The following KMO variants were observed in gnomAD, a reference collection of about 807,000 sequenced individuals.
The protein encoded by KMO is kynurenine 3-monooxygenase, also known as kynurenine 3-hydroxylase.
In KMO, 24 loss-of-function variants were observed where a neutral mutation model predicts 57.8. The ratio of observed to expected loss-of-function variants is 0.42; its 90% CI spans 0.30 to 0.58. The LOEUF is 0.58. KMO is among the 20% of genes least tolerant of loss of function. KMO has a pLI of 0.22. For missense variants in KMO, 483 were observed against 588.2 expected (o/e 0.82, Z 1.85); for synonymous variants, 210 against 193.6 (o/e 1.08, Z -0.70).
chr1:241,588,737 T>C lies in KMO; in HGVS notation c.1016-11T>C, dbSNP rs1205722859. On this transcript the variant is annotated splice_polypyrimidine_tract_variant and intron_variant, in intron 11 of 14. Coordinates refer to ENST00000366559, the MANE Select transcript of KMO (RefSeq NM_003679.5). ...AGAAGGTTTTGGAAAGATGTATTAT[T>C]TAACTTACAGGTTTGTGTCTTCCTG... is the stretch of plus-strand genomic sequence containing the variant. 8 of 1,602,632 alleles carry C rather than the reference T, an allele frequency of 5.0e-6. No homozygotes were observed. Among genetic ancestry groups the C allele is most frequent in the Non-Finnish European group, 6.0e-6 (7 of 1,169,954 alleles).
At chr1:241,575,041 C>A (rs1662453291) in intron 10 of KMO, among the ~76,000 whole-genome samples, 1 of 151,792 alleles carries the variant, frequency 6.6e-6, no homozygotes, top group Admixed American at 6.6e-5. Flanking sequence ...CTAGGTTTTC[C>A]AGTATGTATG....
At chr1:241,576,735 C>A (rs913717136) in intron 10 of KMO, among the ~76,000 whole-genome samples, 3 of 152,014 alleles carry the variant, frequency 2.0e-5, no homozygotes, top group African/African-American at 7.2e-5. Flanking sequence ...TGGTGATGTT[C>A]TTTTTGTAAT....
intron 1 of KMO, among the ~76,000 whole-genome samples, chr1:241,546,337 G>A (rs142396848): frequency 2.6e-5 from 4 of 152,158 alleles, no homozygotes; most frequent in African/African-American, 4.8e-5. Context: ...GTAGATGCCT[G>A]TAGGCATGGC....
At chr1:241,536,443 C>T (rs1336240879) in intron 1 of KMO, 3 of 912,706 alleles carry the variant, frequency 3.3e-6, no homozygotes, top group Admixed American at 6.2e-5. Flanking sequence ...GAAAATACTG[C>T]TTTTGATAAC....
chr1:241,536,462 G>C (rs1047144455), intron 1 of KMO: 1 of 974,242 alleles, frequency 1.0e-6, no homozygotes, highest in African/African-American at 1.8e-5. Flanking sequence ...ACTGTTTTCA[G>C]TGTTTACAGG....
At position 241,568,481 on chromosome 1, in the gene KMO, G is replaced by A. The variant is rs1480469263; in HGVS notation, c.810-19G>A. The stretch of plus-strand genomic sequence containing the variant: ...TACCTAATTTGATGTCTTTATATTC[G>A]GATTATTTTCCTTTGAAGGAAACTC... On this transcript the variant is annotated intron_variant, in intron 9 of 14. Transcript: ENST00000366559. 5.6e-6 allele frequency: 9 copies of A among 1,610,778 alleles called. No homozygotes were observed. Among genetic ancestry groups the A allele is most frequent in the Non-Finnish European group, 6.8e-6 (8 of 1,177,594 alleles).
At chr1:241,540,698 A>AT in intron 1 of KMO, among the ~76,000 whole-genome samples, 1 of 152,142 alleles carries the variant, frequency 6.6e-6, no homozygotes, top group Non-Finnish European at 1.5e-5. Flanking sequence ...AAAATTTGGA[A>AT]TTTTTTCCTG....
chr1:241,551,964 CG>C (rs1255458247), intron 4 of KMO, among the ~76,000 whole-genome samples: 1 of 151,982 alleles, frequency 6.6e-6, no homozygotes, highest in Non-Finnish European at 1.5e-5. Context: ...GTGAAATCAA[CG>C]TAATCGTCTC....
chr1:241,532,557 G>T lies in KMO; in HGVS notation c.54+59G>T, dbSNP rs370017368. The T allele has an allele frequency of 1.1e-5, 14 of 1,245,128 alleles. No homozygotes were observed. The East Asian group carries it at 1.5e-4, about 14-fold the overall frequency. 77.1% of individuals were successfully genotyped at this position (1,245,128 alleles called of 1,614,324 possible). A position where few individuals can be genotyped will look rare whatever the true frequency, so the allele number is the denominator to read the frequency against. Reference sequence around the variant, plus strand: ...GGTATTATATTAACTATTATTACTCGTAATGATTATTATTCGTCACTTCTG... The same window carrying T: ...GGTATTATATTAACTATTATTACTCTTAATGATTATTATTCGTCACTTCTG... On this transcript the variant is annotated intron_variant, in intron 1 of 14. Transcript: ENST00000366559.
intron 14 of KMO, among the ~76,000 whole-genome samples, chr1:241,590,771 A>G (rs1663263548): frequency 6.6e-6 from 1 of 152,142 alleles, no homozygotes. Context: ...CATAGATAGC[A>G]CTGAGCTGGC....
Position 241,593,264 on chromosome 1 carries a change from T to C in KMO, c.*1111T>C, listed in dbSNP as rs1663383146. On this transcript the variant is annotated 3_prime_UTR_variant, in exon 15 of 15. Transcript: ENST00000366559. Reference sequence around the variant, plus strand: ...CAGACCCTCAGAAGCAATTTACTAATTTATTCTTCGACTACATACTGCAGC... The same window carrying C: ...CAGACCCTCAGAAGCAATTTACTAACTTATTCTTCGACTACATACTGCAGC... The C allele has an allele frequency of 3.1e-6, 1 of 318,762 alleles. No individual in the cohort carries two copies. The highest frequency in any genetic ancestry group is 2.1e-5 in the African/African-American group (1 of 47,186). 19.7% of individuals were successfully genotyped at this position (318,762 alleles called of 1,614,324 possible). A position where few individuals can be genotyped will look rare whatever the true frequency, so the allele number is the denominator to read the frequency against.
In KMO at chr1:241,594,948, C is replaced by A. The variant is rs982452231; in HGVS notation, c.*2795C>A. 1.2e-5 allele frequency: 5 copies of A among 405,890 alleles called. No homozygotes were observed. The highest frequency in any genetic ancestry group is 4.1e-5 in the Admixed American group (1 of 24,218). The allele number at this position is 405,890 out of a possible 1,614,324, so 25.1% of individuals were successfully genotyped here. ...GTAATCCTCCAAGCTTCAATCTGCA[C>A]ACACTTTCTATGAGGGCAGGTACAA... On this transcript the variant is annotated 3_prime_UTR_variant, in exon 15 of 15. Transcript: ENST00000366559.
intron 1 of KMO, among the ~76,000 whole-genome samples, chr1:241,545,968 A>G (rs1042173664): frequency 6.6e-6 from 1 of 152,122 alleles, no homozygotes; most frequent in Admixed American, 6.6e-5. Context: ...ACATGATCAG[A>G]TTTGTATATT....
intron 10 of KMO, among the ~76,000 whole-genome samples, chr1:241,585,433 T>C (rs1328327607): frequency 1.3e-5 from 2 of 151,950 alleles, no homozygotes; most frequent in East Asian, 3.9e-4. Flanking sequence ...GATGTAATCT[T>C]TATAATTGAT....
intron 1 of KMO, among the ~76,000 whole-genome samples, chr1:241,540,053 T>C (rs1484253080): frequency 6.6e-6 from 1 of 152,208 alleles, no homozygotes; most frequent in African/African-American, 2.4e-5. Context: ...ACACTTTTCA[T>C]TTTTTGAAAG....
chr1:241,564,705 A>G (rs1051053935), intron 7 of KMO, among the ~76,000 whole-genome samples: 1 of 70,762 alleles, frequency 1.4e-5, no homozygotes, highest in Non-Finnish European at 3.5e-5. Flanking sequence ...TTGAGAACAT[A>G]AGATGTTCTC....
chr1:241,557,313 C>T (rs1172289431), intron 5 of KMO, among the ~76,000 whole-genome samples: 5 of 152,192 alleles, frequency 3.3e-5, no homozygotes, highest in East Asian at 3.9e-4. Flanking sequence ...TTGCATTCAA[C>T]GGATTTATTC....
intron 10 of KMO, among the ~76,000 whole-genome samples, chr1:241,578,507 T>C (rs1662617561): frequency 6.6e-6 from 1 of 152,106 alleles, no homozygotes. Context: ...CTGCCACACT[T>C]GAGGCCACTG....
At position 241,566,627 on chromosome 1, in the gene KMO, G is replaced by A. The variant is rs1459466589; in HGVS notation, c.809+15G>A. ...CTAATTGGAGAGTAAGTTGCAAGATGTGCCTTTTGCTCCATTTGTTTTAAT... is the reference window on the plus strand; with the variant it reads ...CTAATTGGAGAGTAAGTTGCAAGATATGCCTTTTGCTCCATTTGTTTTAAT... On this transcript the variant is annotated intron_variant, in intron 9 of 14. Coordinates refer to ENST00000366559, the MANE Select transcript of KMO (RefSeq NM_003679.5). 4 of 1,613,070 alleles carry A rather than the reference G, an allele frequency of 2.5e-6. No individual in the cohort carries two copies. The highest frequency in any genetic ancestry group is 3.4e-6 in the Non-Finnish European group (4 of 1,179,416).
Sources: gnomAD v4.1 joint callset for allele counts (sites outside exome capture counted in the v4.1 genomes callset) on GRCh38, gnomAD v4.1.1 for gene constraint, MANE v1.5 for transcripts, NCBI Gene and HGNC (gene_info 2026-07-23, HGNC 2026-07-21) for gene names.